Variants in ZNF583 observed in about 807,000 individuals in gnomAD.
ZNF583 encodes the protein zinc finger protein 583, also known as zinc finger protein L3-5.
Under a neutral mutation model 55.3 loss-of-function variants are expected in ZNF583, and 30 were observed. The observed-to-expected ratio is 0.54, with a 90% CI of 0.41 to 0.74. ZNF583 has a LOEUF of 0.74. Among genes scored for constraint, ZNF583 ranks in the 30% least tolerant of loss-of-function variants. The pLI is 0.00. For missense variants in ZNF583, 504 were observed against 664.7 expected (o/e 0.76, Z 2.66); for synonymous variants, 208 against 220.0 (o/e 0.95, Z 0.48).
chr19:56,413,877 T>C, intron 2 of ZNF583, 82 bp from the exon 3 acceptor site: 3 of 1,587,902 alleles, frequency 1.9e-6, no homozygotes, highest in Non-Finnish European at 2.6e-6. Context: ...TCTCTAAAAG[T>C]ATAGACAATT....
At chr19:56,412,996 TGA>T (rs1262288800) in intron 2 of ZNF583, among the ~76,000 whole-genome samples, 1 of 152,142 alleles carries the variant, frequency 6.6e-6, no homozygotes, top group Non-Finnish European at 1.5e-5. Flanking sequence ...CTCAGCCTCT[TGA>T]GTACCTGGGG....
At chr19:56,413,872 A>G in intron 2 of ZNF583, 87 bp from the exon 3 acceptor site, 5 of 1,575,734 alleles carry the variant, frequency 3.2e-6, no homozygotes, top group Non-Finnish European at 4.3e-6. Flanking sequence ...ATTTTTCTCT[A>G]AAAGTATAGA....
intron 4 of ZNF583, 83 bp downstream of exon 4, chr19:56,414,523 G>A (rs188646121): frequency 9.5e-6 from 12 of 1,269,306 alleles, no homozygotes; most frequent in Admixed American, 4.3e-5. Flanking sequence ...CATAATTGAC[G>A]TTTCCTGGGT....
chr19:56,421,250 C>T (rs1043138267), intron 4 of ZNF583, among the ~76,000 whole-genome samples: 5 of 152,136 alleles, frequency 3.3e-5, no homozygotes, highest in East Asian at 1.9e-4. Context: ...ATGCCTGTAA[C>T]GATTATAATA....
chr19:56,410,357 C>T (rs2042218735), intron 2 of ZNF583, among the ~76,000 whole-genome samples: 1 of 152,116 alleles, frequency 6.6e-6, no homozygotes, highest in East Asian at 1.9e-4. Context: ...GTCTGTGAAT[C>T]GATTTTAAGA....
chr19:56,406,827 C>T (rs1164675854), intron 1 of ZNF583, among the ~76,000 whole-genome samples, 199 bp from the exon 2 acceptor site: 2 of 152,004 alleles, frequency 1.3e-5, no homozygotes, highest in Non-Finnish European at 2.9e-5. Context: ...GCGCCTGGCC[C>T]GTATGTTGTA....
intron 4 of ZNF583, among the ~76,000 whole-genome samples, chr19:56,421,122 C>T (rs543960820): frequency 1.8e-4 from 27 of 152,186 alleles, no homozygotes; most frequent in African/African-American, 5.3e-4. Context: ...TTATTAGAAA[C>T]GAAGATTCTC....
rs1366705016 is a variant in ZNF583, at chr19:56,414,216, A to C, written c.137-129A>C. 20 of 1,507,416 alleles carry C rather than the reference A, an allele frequency of 1.3e-5. No individual in the cohort carries two copies. In the East Asian group the frequency reaches 4.5e-4, roughly 34 times the overall value. The allele number at this position is 1,507,416 out of a possible 1,614,324, so 93.4% of individuals were successfully genotyped here. A position where few individuals can be genotyped will look rare whatever the true frequency, so the allele number is the denominator to read the frequency against. ...TCCCAAAATAGGTTGAATTTGTAGA[A>C]TTGGCAGCTTCATCTTCCCCATTCT... On this transcript the variant is annotated intron_variant, in intron 3 of 4. Coordinates refer to ENST00000333201, the MANE Select transcript of ZNF583 (RefSeq NM_152478.3).
intron 4 of ZNF583, among the ~76,000 whole-genome samples, chr19:56,420,259 C>A (rs542182124): frequency 1.3e-5 from 2 of 152,094 alleles, no homozygotes; most frequent in East Asian, 3.9e-4. Context: ...AAATCAATAA[C>A]CTCTAACCTC....
intron 4 of ZNF583, among the ~76,000 whole-genome samples, chr19:56,420,594 A>G (rs750380814): frequency 3.9e-5 from 6 of 152,202 alleles, no homozygotes; most frequent in Non-Finnish European, 8.8e-5. Flanking sequence ...GCGTTATATT[A>G]GGTGCACAGA....
chr19:56,405,682 G>T (rs1285262728), intron 1 of ZNF583, among the ~76,000 whole-genome samples: 1 of 152,140 alleles, frequency 6.6e-6, no homozygotes, highest in East Asian at 1.9e-4. Flanking sequence ...CTGGGGGCAC[G>T]TGAGGAATTT....
intron 3 of ZNF583, 51 bp downstream of exon 3, chr19:56,414,136 A>T: frequency 1.9e-6 from 3 of 1,553,442 alleles, no homozygotes; most frequent in Non-Finnish European, 2.6e-6. Flanking sequence ...CTGAGCTCCA[A>T]TGTAATATTT....
intron 4 of ZNF583, among the ~76,000 whole-genome samples, chr19:56,417,466 T>C (rs2147591902): frequency 6.6e-6 from 1 of 152,370 alleles, no homozygotes; most frequent in African/African-American, 2.4e-5. Context: ...GCCATGCATA[T>C]AACTTTTATG....
chr19:56,412,505 G>A (rs904759019), intron 2 of ZNF583, among the ~76,000 whole-genome samples: 6 of 152,206 alleles, frequency 3.9e-5, no homozygotes, highest in African/African-American at 1.4e-4. Context: ...TCTCTAGTGA[G>A]AGCTGTAGAT....
chr19:56,416,142 A>G (rs1334931124), intron 4 of ZNF583, among the ~76,000 whole-genome samples: 1 of 151,738 alleles, frequency 6.6e-6, no homozygotes, highest in South Asian at 2.1e-4. Context: ...CCTGGCCAAG[A>G]TGGTGAAACC....
Position 56,423,726 on chromosome 19 carries a change from G to T in ZNF583, c.1068G>T (p.Val356=), listed in dbSNP as rs1420722054. Residue 356 remains valine, a synonymous_variant, in exon 5 of 5, where the codon GTG becomes GTT. Coordinates refer to ENST00000333201, the MANE Select transcript of ZNF583 (RefSeq NM_152478.3). ...HTGEKPYVCN[V]CGKAFSHRGY... ...GAGAGAAACCTTATGTGTGTAATGT[G>T]TGTGGGAAAGCCTTTAGCCATCGTG... The T allele has an allele frequency of 6.2e-7, 1 of 1,613,140 alleles. No homozygotes were observed. The highest frequency in any genetic ancestry group is 1.7e-5 in the Admixed American group (1 of 59,928).
intron 4 of ZNF583, among the ~76,000 whole-genome samples, chr19:56,419,498 G>A (rs953348048): frequency 7.2e-5 from 11 of 151,986 alleles, no homozygotes; most frequent in Admixed American, 2.6e-4. Context: ...CCAGCCTGCG[G>A]GTTTACTTTC....
upstream of ZNF583, chr19:56,404,291 G>C (rs1219593541): frequency 1.3e-5 from 2 of 152,716 alleles, no homozygotes; most frequent in African/African-American, 4.8e-5. This position sits in a 1 kb window ranked among gnomAD's most constrained non-coding sequence, Gnocchi z 5.2. Context: ...CGCCGCGCCG[G>C]CCCCGGACTC....
chr19:56,414,567 A>C, intron 4 of ZNF583, 127 bp downstream of exon 4: 1 of 751,042 alleles, frequency 1.3e-6, no homozygotes, highest in Non-Finnish European at 2.2e-6. Context: ...CTGGGAAGAA[A>C]TATTGAGGCA....
Sources: gnomAD v4.1 joint callset for allele counts (sites outside exome capture counted in the v4.1 genomes callset) on GRCh38, gnomAD v4.1.1 for gene constraint, Gnocchi (gnomAD v3.1) non-coding constraint, MANE v1.5 for transcripts, NCBI Gene and HGNC (gene_info 2026-07-23, HGNC 2026-07-21) for gene names.